The following DDX17 variants were observed in gnomAD, a reference collection of about 807,000 sequenced individuals.
DDX17 encodes the protein DEAD-box helicase 17, also known as probable ATP-dependent RNA helicase DDX17.
In DDX17, 10 loss-of-function variants were observed where a neutral mutation model predicts 80.8. That is an observed-to-expected ratio of 0.12 (90% CI 0.08 to 0.21). The LOEUF is 0.21. Ranked by LOEUF, DDX17 falls within the 10% of genes least tolerant of loss-of-function variation. DDX17 has a pLI of 1.00. For synonymous variants in DDX17, 339 were observed against 336.2 expected (o/e 1.01, Z -0.09); for missense variants, 586 against 957.4 (o/e 0.61, Z 5.12).
chr22:38,490,003 C>T (rs1013855973), intron 11 of DDX17: 76 of 1,023,538 alleles, frequency 7.4e-5, no homozygotes, highest in Non-Finnish European at 8.2e-5. Context: ...GTGGAGTCAA[C>T]AGTTCACATG....
intron 1 of DDX17, chr22:38,505,527 G>T (rs367820912): frequency 1.7e-3 from 303 of 173,930 alleles, no homozygotes; most frequent in African/African-American, 6.8e-3. Context: ...TTCCTGGGCT[G>T]AAGTGTTCTC....
intron 1 of DDX17, among the ~76,000 whole-genome samples, chr22:38,504,848 AG>A (rs2089864265): frequency 6.6e-6 from 1 of 151,862 alleles, no homozygotes; most frequent in Non-Finnish European, 1.5e-5. Context: ...GGCTCACAAA[AG>A]GTAGGATCTT....
chr22:38,497,083 G>C (rs543958616), intron 5 of DDX17, among the ~76,000 whole-genome samples: 1 of 151,592 alleles, frequency 6.6e-6, no homozygotes, highest in East Asian at 2.0e-4. Flanking sequence ...ATCACCTGAG[G>C]TCAGGAGTTC....
At chr22:38,500,802 A>G (rs1000950495) in intron 2 of DDX17, among the ~76,000 whole-genome samples, 20 of 124,780 alleles carry the variant, frequency 1.6e-4, no homozygotes, top group African/African-American at 6.0e-4. Context: ...GGGCAACAAG[A>G]GCAAAACTCC....
Position 38,485,990 on chromosome 22 carries a change from T to G in DDX17, c.2135A>C (p.Gln712Pro). 6.8e-6 allele frequency: 11 copies of G among 1,614,016 alleles called. No individual in the cohort carries two copies. Among genetic ancestry groups the G allele is most frequent in the Non-Finnish European group, 8.5e-6 (10 of 1,179,982 alleles). Reference sequence around the variant, plus strand: ...AGGAGGAGGGTATTGGTAGGCAGTCTGCCCCATGTAACCTATCATATTGGT... The same window carrying G: ...AGGAGGAGGGTATTGGTAGGCAGTCGGCCCCATGTAACCTATCATATTGGT... The change falls in exon 13 of 13, where the codon CAG becomes CCG. Residue 712 changes from glutamine to proline, a missense_variant. By Grantham distance (76) the Gln-to-Pro change is moderately conservative. This residue lies in a region of DDX17 where 221 missense variants were observed against 261.4 expected (regional missense o/e 0.85). Coordinates refer to ENST00000403230, the MANE Select transcript of DDX17 (RefSeq NM_006386.5).
intron 11 of DDX17, chr22:38,488,636 A>AT: frequency 2.0e-6 from 2 of 987,570 alleles, no homozygotes; most frequent in Non-Finnish European, 2.4e-6. Context: ...TATTACTACA[A>AT]TTTAAAGGAA....
chr22:38,497,262 C>G (rs1476963280), intron 5 of DDX17, among the ~76,000 whole-genome samples: 1 of 134,786 alleles, frequency 7.4e-6, no homozygotes, highest in African/African-American at 2.9e-5. Context: ...TGCCAATGTA[C>G]TCCAGCGTGG....
chr22:38,493,804 ATCTTT>A, intron 9 of DDX17, 33 bp from the exon 10 acceptor site: 1 of 1,598,148 alleles, frequency 6.3e-7, no homozygotes, highest in Non-Finnish European at 8.6e-7. Context: ...TATTTTAAAA[ATCTTT>A]TAAAGTGGAG....
intron 2 of DDX17, among the ~76,000 whole-genome samples, chr22:38,500,155 G>A (rs772160273): frequency 2.4e-5 from 3 of 125,518 alleles, no homozygotes; most frequent in Non-Finnish European, 3.3e-5. Context: ...TAGCCTAGGG[G>A]ACAGAGTGAG....
At chr22:38,504,799 G>A (rs1043876918) in intron 1 of DDX17, among the ~76,000 whole-genome samples, 2 of 151,972 alleles carry the variant, frequency 1.3e-5, no homozygotes, top group Non-Finnish European at 2.9e-5. Flanking sequence ...TGACAACACA[G>A]CAAAGTAAAG....
chr22:38,505,863 G>A (rs1379733475), intron 1 of DDX17, 88 bp downstream of exon 1: 2 of 1,463,224 alleles, frequency 1.4e-6, no homozygotes, highest in African/African-American at 1.4e-5. Flanking sequence ...CGAGAGCAAG[G>A]CTCCCAGGCT....
At chr22:38,491,743 G>GAGCC in intron 11 of DDX17, 1 of 273,778 alleles carries the variant, frequency 3.7e-6, no homozygotes, top group South Asian at 1.3e-4. Context: ...GAGAGAAGCT[G>GAGCC]AGCCATTCAG....
intron 11 of DDX17, chr22:38,491,794 G>A (rs2089716043): frequency 2.6e-6 from 1 of 379,670 alleles, no homozygotes; most frequent in Non-Finnish European, 4.7e-6. Context: ...GTCATGCCTA[G>A]GCCTTGCTGC....
chr22:38,495,190 T>C, intron 6 of DDX17, 144 bp from the exon 7 acceptor site: 3 of 700,814 alleles, frequency 4.3e-6, no homozygotes, highest in East Asian at 2.9e-5. Context: ...ACCCCGACTC[T>C]ACAAAAATGC....
Position 38,489,956 on chromosome 22 carries a change from A to T in DDX17, c.1448-1841T>A. ...AGAACAAGTTCAATTACTACACTGGATGCGTTAAGTGTGCTTTCCTAGCAG... is the reference window on the plus strand; with the variant it reads ...AGAACAAGTTCAATTACTACACTGGTTGCGTTAAGTGTGCTTTCCTAGCAG... On this transcript the variant is annotated intron_variant, in intron 11 of 12. Transcript: ENST00000403230. This position sits in a 1 kb window ranked among gnomAD's most constrained non-coding sequence, Gnocchi z 4.6. The T allele has an allele frequency of 9.9e-7, 1 of 1,006,126 alleles. No homozygotes were observed. Among genetic ancestry groups the T allele is most frequent in the South Asian group, 4.1e-5 (1 of 24,452 alleles). The allele number at this position is 1,006,126 out of a possible 1,614,324, so 62.3% of individuals were successfully genotyped here. A position where few individuals can be genotyped will look rare whatever the true frequency, so the allele number is the denominator to read the frequency against.
At chr22:38,498,991 GACA>G (rs1747700406) in intron 3 of DDX17, among the ~76,000 whole-genome samples, 1 of 152,186 alleles carries the variant, frequency 6.6e-6, no homozygotes, top group Non-Finnish European at 1.5e-5. Context: ...CAGCCTGGGT[GACA>G]ACGTTGAGAC....
intron 1 of DDX17, among the ~76,000 whole-genome samples, chr22:38,504,307 T>C (rs967400359): frequency 6.6e-6 from 1 of 152,216 alleles, no homozygotes; most frequent in Non-Finnish European, 1.5e-5. Flanking sequence ...GATTCAATTG[T>C]ACGAATACCC....
At chr22:38,498,779 C>T (rs2145704411) in intron 3 of DDX17, among the ~76,000 whole-genome samples, 1 of 152,278 alleles carries the variant, frequency 6.6e-6, no homozygotes, top group South Asian at 2.1e-4. Flanking sequence ...AATCCCATCA[C>T]TTTGGGAGGC....
At chr22:38,488,171 T>A (rs972500228) in intron 11 of DDX17, 56 bp from the exon 12 acceptor site, 15 of 1,610,800 alleles carry the variant, frequency 9.3e-6, no homozygotes, top group Non-Finnish European at 9.3e-6. Context: ...AAAGAGAAGG[T>A]AAAGGACATG....
Sources: gnomAD v4.1 joint callset for allele counts (sites outside exome capture counted in the v4.1 genomes callset) on GRCh38, gnomAD v4.1.1 for gene constraint, gnomAD v4.1.1 regional missense constraint, Gnocchi (gnomAD v3.1) non-coding constraint, MANE v1.5 for transcripts, NCBI Gene and HGNC (gene_info 2026-07-23, HGNC 2026-07-21) for gene names.